Variants in CPNE8 observed in about 807,000 individuals in gnomAD.
The protein encoded by CPNE8 is copine 8, also known as copine-8.
Under a neutral mutation model 81.5 loss-of-function variants are expected in CPNE8, and 45 were observed. The ratio of observed to expected loss-of-function variants is 0.55; its 90% CI spans 0.44 to 0.71. CPNE8 has a LOEUF of 0.71. Among genes scored for constraint, CPNE8 ranks in the 30% least tolerant of loss-of-function variants. The pLI is 0.00. For synonymous variants in CPNE8, 252 were observed against 226.3 expected (o/e 1.11, Z -1.02); for missense variants, 594 against 672.1 (o/e 0.88, Z 1.28).
At chr12:38,903,064 A>G (rs1322706569) in intron 1 of CPNE8, among the ~76,000 whole-genome samples, 1 of 152,212 alleles carries the variant, frequency 6.6e-6, no homozygotes, top group African/African-American at 2.4e-5. Context: ...TGGTTACAAG[A>G]TCCAACAATA....
chr12:38,848,740 G>A, intron 3 of CPNE8, 78 bp from the exon 4 acceptor site: 2 of 1,408,868 alleles, frequency 1.4e-6, no homozygotes, highest in South Asian at 1.6e-5. Flanking sequence ...ATATCACACA[G>A]TTCTTTTAAA....
At chr12:38,794,910 C>A (rs1592095015) in intron 6 of CPNE8, among the ~76,000 whole-genome samples, 2 of 152,252 alleles carry the variant, frequency 1.3e-5, no homozygotes, top group East Asian at 1.9e-4. Flanking sequence ...AGACTGGGCA[C>A]CATCCAATCA....
chr12:38,889,848 C>A (rs1051517137), intron 1 of CPNE8, among the ~76,000 whole-genome samples: 3 of 152,180 alleles, frequency 2.0e-5, no homozygotes, highest in Non-Finnish European at 4.4e-5. Context: ...TGAGGCTCAA[C>A]TGACAGAAGT....
chr12:38,897,994 C>T (rs941567401), intron 1 of CPNE8, among the ~76,000 whole-genome samples: 7 of 152,148 alleles, frequency 4.6e-5, no homozygotes, highest in Admixed American at 3.3e-4. Context: ...CCACGTTCTT[C>T]AGCGCTAAGC....
At chr12:38,793,248 G>A (rs1240561321) in intron 6 of CPNE8, among the ~76,000 whole-genome samples, 1 of 141,960 alleles carries the variant, frequency 7.0e-6, no homozygotes, top group African/African-American at 3.1e-5. Flanking sequence ...AATAATAAAA[G>A]TCATCAAAAT....
At chr12:38,730,249 G>GA (rs1219870274) in intron 11 of CPNE8, 34 bp downstream of exon 11, 15 of 1,299,018 alleles carry the variant, frequency 1.2e-5, no homozygotes, top group South Asian at 2.4e-5. Context: ...ATTTATTCTA[G>GA]AAAAAAACAA....
Position 38,840,905 on chromosome 12 carries a change from C to A in CPNE8, c.291-950G>T, listed in dbSNP as rs1943459407. Among the ~76,000 whole-genome samples, 5 of 152,118 alleles carry A rather than the reference C, an allele frequency of 3.3e-5. No homozygotes were observed. The South Asian group carries it at 1.0e-3, about 31-fold the overall frequency. Reference sequence around the variant, plus strand: ...CAAAATACCTTCAATTTGCCAAATTCTTGTATAGGAAAATATTTGTACTGA... The same window carrying A: ...CAAAATACCTTCAATTTGCCAAATTATTGTATAGGAAAATATTTGTACTGA... On this transcript the variant is annotated intron_variant, in intron 4 of 19. Coordinates refer to ENST00000331366, the MANE Select transcript of CPNE8 (RefSeq NM_153634.3).
chr12:38,799,155 A>G (rs928651239), intron 6 of CPNE8, among the ~76,000 whole-genome samples: 1 of 152,150 alleles, frequency 6.6e-6, no homozygotes, highest in African/African-American at 2.4e-5. Context: ...CAGAAAGTTA[A>G]CAAGCATACC....
chr12:38,771,426 ACTG>A (rs1565606822), intron 7 of CPNE8, among the ~76,000 whole-genome samples: 1 of 152,136 alleles, frequency 6.6e-6, no homozygotes, highest in Non-Finnish European at 1.5e-5. Context: ...AAATTGTGCC[ACTG>A]CACTTCAGCC....
rs181115742 is a variant in CPNE8 at position 38,707,125 on chromosome 12, G to A, written c.915-4204C>T. Among the ~76,000 whole-genome samples, 10 of 152,192 alleles carry A rather than the reference G, an allele frequency of 6.6e-5. No individual in the cohort carries two copies. In the East Asian group the frequency reaches 1.7e-3, roughly 26 times the overall value. ...AGCCAGGAGTTCCAGACCAGCCTGG[G>A]CAACATACTGAGACCCAGTCTGTAT... On this transcript the variant is annotated intron_variant, in intron 13 of 19. Coordinates refer to ENST00000331366, the MANE Select transcript of CPNE8 (RefSeq NM_153634.3).
chr12:38,711,999 C>T (rs1186693648), intron 13 of CPNE8, among the ~76,000 whole-genome samples: 1 of 152,032 alleles, frequency 6.6e-6, no homozygotes, highest in Admixed American at 6.6e-5. Flanking sequence ...CCCTACTCAG[C>T]ACCACAGAGT....
At chr12:38,789,973 T>C (rs977551862) in intron 6 of CPNE8, among the ~76,000 whole-genome samples, 3 of 151,428 alleles carry the variant, frequency 2.0e-5, no homozygotes, top group African/African-American at 7.3e-5. Context: ...TGAAGAAAAA[T>C]AAACCCTTGG....
chr12:38,805,616 C>T (rs1942778525), intron 6 of CPNE8, among the ~76,000 whole-genome samples: 1 of 99,028 alleles, frequency 1.0e-5, no homozygotes, highest in African/African-American at 3.8e-5. Context: ...ACATATGTAA[C>T]TAACCTGCAC....
chr12:38,717,456 T>TATATATATATATAC (rs1215784272), intron 13 of CPNE8, among the ~76,000 whole-genome samples: 15 of 139,502 alleles, frequency 1.1e-4, no homozygotes, highest in African/African-American at 4.0e-4. Flanking sequence ...TATATATATA[T>TATATATATATATAC]ATACACCATG....
chr12:38,736,136 T>G (rs921205540), intron 10 of CPNE8, among the ~76,000 whole-genome samples: 1 of 151,734 alleles, frequency 6.6e-6, no homozygotes, highest in African/African-American at 2.4e-5. Flanking sequence ...AATCCATTTC[T>G]AATACAGATA....
At chr12:38,880,405 C>T (rs1319816301) in intron 1 of CPNE8, among the ~76,000 whole-genome samples, 1 of 152,162 alleles carries the variant, frequency 6.6e-6, no homozygotes, top group Non-Finnish European at 1.5e-5. Context: ...CAATCTAAAG[C>T]ACCATCTTTT....
At chr12:38,852,933 C>T (rs1943669328) in intron 3 of CPNE8, among the ~76,000 whole-genome samples, 2 of 152,196 alleles carry the variant, frequency 1.3e-5, no homozygotes, top group South Asian at 2.1e-4. Flanking sequence ...CTGTATTATG[C>T]ATTTCTGGGT....
chr12:38,775,725 AC>A lies in CPNE8; in HGVS notation c.471+512del, dbSNP rs1164002884. Among the ~76,000 whole-genome samples, 6 of 152,198 alleles carry A rather than the reference AC, an allele frequency of 3.9e-5. No individual in the cohort carries two copies. The East Asian group carries it at 7.7e-4, about 20-fold the overall frequency. On this transcript the variant is annotated intron_variant, in intron 7 of 19. Transcript: ENST00000331366. ...CAGAGTATGCACTCTCTGTAGTCATACTGCTAGCTGTAGTGGCAGCTAATCC... is the reference window on the plus strand; with the variant it reads ...CAGAGTATGCACTCTCTGTAGTCATATGCTAGCTGTAGTGGCAGCTAATCC...
At position 38,663,873 on chromosome 12, in the gene CPNE8, A is replaced by T. The variant is rs1939009683; in HGVS notation, c.1506+6856T>A. Among the ~76,000 whole-genome samples, 3 of 152,270 alleles carry T rather than the reference A, an allele frequency of 2.0e-5. No individual in the cohort carries two copies. The South Asian group carries it at 6.2e-4, about 32-fold the overall frequency. On this transcript the variant is annotated intron_variant, in intron 19 of 19. Transcript: ENST00000331366. ...ATGTTAACTGAAATAAGCCAGGCAC[A>T]GAAAAATAAATACCACATGTTCTCC... is the stretch of plus-strand genomic sequence containing the variant.
Sources: gnomAD v4.1 joint callset for allele counts (sites outside exome capture counted in the v4.1 genomes callset) on GRCh38, gnomAD v4.1.1 for gene constraint, MANE v1.5 for transcripts, NCBI Gene and HGNC (gene_info 2026-07-23, HGNC 2026-07-21) for gene names.